Variants in YAF2 observed in about 807,000 individuals in gnomAD.
YAF2 encodes the protein YY1 associated factor 2, also known as YY1-associated factor 2.
A neutral mutation model predicts 20.1 loss-of-function variants in YAF2; 7 were observed. The observed-to-expected ratio is 0.35, with a 90% CI of 0.20 to 0.65. The LOEUF is 0.65. Among genes scored for constraint, YAF2 ranks in the 30% least tolerant of loss-of-function variants. The probability of loss-of-function intolerance (pLI) is 0.69; values close to 1 mark genes in which losing one functional copy is unlikely to be tolerated. For synonymous variants in YAF2, 74 were observed against 76.0 expected (o/e 0.97, Z 0.14); for missense variants, 151 against 219.2 (o/e 0.69, Z 1.96).
intron 2 of YAF2, among the ~76,000 whole-genome samples, chr12:42,192,721 G>A (rs1244038504): frequency 4.6e-5 from 7 of 152,102 alleles, no homozygotes. Flanking sequence ...AGAAGTGAAT[G>A]GATTTAAAGA....
At position 42,220,074 on chromosome 12, in the gene YAF2, G is replaced by A. The variant is rs75994497; in HGVS notation, c.152+17525C>T. On this transcript the variant is annotated intron_variant, in intron 2 of 3. Coordinates refer to ENST00000534854, the MANE Select transcript of YAF2 (RefSeq NM_005748.6). ...AACTTAGAGGACCAAGATGAGGTGA[G>A]AATGGTTATGAGAAGGCCCTAAAAT... 4.5e-3 allele frequency among the ~76,000 whole-genome samples: 689 copies of A among 152,308 alleles called. 2 individuals are homozygous for A. Among genetic ancestry groups the A allele is most frequent in the African/African-American group, 0.016 (668 of 41,568 alleles).
chr12:42,212,544 C>A (rs2067243102), intron 2 of YAF2: 1 of 356,396 alleles, frequency 2.8e-6, no homozygotes, highest in Non-Finnish European at 5.5e-6. Flanking sequence ...AACTAACTCA[C>A]CACTGAATAA....
chr12:42,160,451 C>A lies in YAF2; in HGVS notation c.*138G>T. On this transcript the variant is annotated 3_prime_UTR_variant, in exon 4 of 4. Coordinates refer to ENST00000534854, the MANE Select transcript of YAF2 (RefSeq NM_005748.6). ...TGCAATAAAATCTAACAAATTCTAA[C>A]AAATTTCTATTTTATGTAAAACTCA... The A allele has an allele frequency of 2.9e-6, 2 of 690,638 alleles. No individual in the cohort carries two copies. The highest frequency in any genetic ancestry group is 2.7e-5 in the East Asian group (1 of 36,514). The allele number at this position is 690,638 out of a possible 1,614,324, so 42.8% of individuals were successfully genotyped here. A position where few individuals can be genotyped will look rare whatever the true frequency, so the allele number is the denominator to read the frequency against.
chr12:42,216,384 C>T (rs183297135), intron 2 of YAF2, among the ~76,000 whole-genome samples: 91 of 152,216 alleles, frequency 6.0e-4, no homozygotes, highest in African/African-American at 2.0e-3. Flanking sequence ...AAAGTAAAAG[C>T]CATTGGAGAT....
intron 2 of YAF2, among the ~76,000 whole-genome samples, chr12:42,167,982 T>C (rs1231456646): frequency 6.6e-6 from 1 of 152,162 alleles, no homozygotes; most frequent in African/African-American, 2.4e-5. Flanking sequence ...CCAAATAAAA[T>C]AATGAATGTT....
intron 2 of YAF2, among the ~76,000 whole-genome samples, chr12:42,191,814 A>T (rs767571089): frequency 1.3e-5 from 2 of 152,196 alleles, no homozygotes; most frequent in African/African-American, 2.4e-5. Context: ...TTGGCCATGC[A>T]CAGTGGCTCA....
At chr12:42,232,570 C>T in intron 2 of YAF2, 1 of 985,416 alleles carries the variant, frequency 1.0e-6, no homozygotes, top group African/African-American at 1.7e-5. Flanking sequence ...GCTAGAAAGG[C>T]TCCTCAGATA....
In YAF2 at chr12:42,157,553, C is replaced by A. The variant is rs1286517532; in HGVS notation, c.*3036G>T. 1 of 152,190 alleles carries A rather than the reference C, an allele frequency of 6.6e-6. No individual in the cohort carries two copies. Among genetic ancestry groups the A allele is most frequent in the Non-Finnish European group, 1.5e-5 (1 of 68,040 alleles). 9.4% of individuals were successfully genotyped at this position (152,190 alleles called of 1,614,324 possible). A position where few individuals can be genotyped will look rare whatever the true frequency, so the allele number is the denominator to read the frequency against. On this transcript the variant is annotated 3_prime_UTR_variant, in exon 4 of 4. Coordinates refer to ENST00000534854, the MANE Select transcript of YAF2 (RefSeq NM_005748.6). ...CCATTTACCATTAATGCAGAGGCTA[C>A]ATTCTTTCAGTCTATAAGGATCTTT...
intron 2 of YAF2, among the ~76,000 whole-genome samples, chr12:42,164,437 A>G (rs2065866424): frequency 6.6e-6 from 1 of 152,190 alleles, no homozygotes; most frequent in Non-Finnish European, 1.5e-5. Flanking sequence ...CCCCACTGAC[A>G]AAAATCCCAT....
At position 42,158,334 on chromosome 12, in the gene YAF2, TAA is replaced by T. The variant is rs1316093197; in HGVS notation, c.*2253_*2254del. 6.6e-6 allele frequency: 1 copy of T among 152,200 alleles called. No homozygotes were observed. The highest frequency in any genetic ancestry group is 2.4e-5 in the African/African-American group (1 of 41,454). 9.4% of individuals were successfully genotyped at this position (152,200 alleles called of 1,614,324 possible). ...TACACTGAAAATTTAGTGAAATCTA[TAA>T]AACACTATTACTTTAGGTCATCCAA... On this transcript the variant is annotated 3_prime_UTR_variant, in exon 4 of 4. Coordinates refer to ENST00000534854, the MANE Select transcript of YAF2 (RefSeq NM_005748.6).
At chr12:42,214,535 G>A (rs2067299546) in intron 2 of YAF2, among the ~76,000 whole-genome samples, 1 of 151,702 alleles carries the variant, frequency 6.6e-6, no homozygotes, top group South Asian at 2.1e-4. Context: ...GCCTCCCAAA[G>A]TGCTGGGATT....
At chr12:42,235,833 G>A in intron 2 of YAF2, 1 of 1,535,804 alleles carries the variant, frequency 6.5e-7, no homozygotes, top group Non-Finnish European at 8.7e-7. Flanking sequence ...TCTCTGTCCT[G>A]GGCCAACTCC....
rs1051874428 is a variant in YAF2 at position 42,210,516 on chromosome 12, T to C, written c.152+27083A>G. The C allele has an allele frequency of 5.9e-6, 9 of 1,535,906 alleles. No individual in the cohort carries two copies. The African/African-American group carries it at 1.2e-4, about 21-fold the overall frequency. On this transcript the variant is annotated intron_variant, in intron 2 of 3. Coordinates refer to ENST00000534854, the MANE Select transcript of YAF2 (RefSeq NM_005748.6). Reference sequence around the variant, plus strand: ...AGTTTGGGGGAGGGGATTTGGGAGATGCTAGAGACATGCTTCAGTGCACTT... The same window carrying C: ...AGTTTGGGGGAGGGGATTTGGGAGACGCTAGAGACATGCTTCAGTGCACTT...
At chr12:42,186,507 C>T (rs2066478002) in intron 2 of YAF2, among the ~76,000 whole-genome samples, 2 of 152,090 alleles carry the variant, frequency 1.3e-5, no homozygotes, top group Admixed American at 6.6e-5. Context: ...GAAACCCCGT[C>T]TCTACTAAAA....
chr12:42,234,229 G>C, intron 2 of YAF2: 1 of 686,366 alleles, frequency 1.5e-6, no homozygotes, highest in Non-Finnish European at 1.7e-6. Flanking sequence ...GAAAAGAAAA[G>C]AAAGAAAAGA....
intron 2 of YAF2, among the ~76,000 whole-genome samples, chr12:42,194,109 TA>T (rs1186831082): frequency 4.6e-5 from 7 of 152,168 alleles, no homozygotes; most frequent in African/African-American, 1.7e-4. Context: ...GTGAAAACAT[TA>T]AAAAAATTAA....
At chr12:42,168,733 A>T (rs976683207) in intron 2 of YAF2, among the ~76,000 whole-genome samples, 2 of 152,208 alleles carry the variant, frequency 1.3e-5, no homozygotes, top group African/African-American at 4.8e-5. Context: ...CAGTAAGCAG[A>T]ATCTACTATA....
intron 2 of YAF2, among the ~76,000 whole-genome samples, chr12:42,199,962 C>A (rs544343773): frequency 1.3e-5 from 2 of 152,236 alleles, no homozygotes; most frequent in East Asian, 3.9e-4. Flanking sequence ...CCAATGGAAT[C>A]AATGGAAGAC....
intron 2 of YAF2, among the ~76,000 whole-genome samples, chr12:42,163,287 G>C (rs1469129233): frequency 6.6e-6 from 1 of 152,114 alleles, no homozygotes; most frequent in African/African-American, 2.4e-5. Flanking sequence ...GATAAGAAGG[G>C]ATCCCATGAT....
Sources: gnomAD v4.1 joint callset for allele counts (sites outside exome capture counted in the v4.1 genomes callset) on GRCh38, gnomAD v4.1.1 for gene constraint, MANE v1.5 for transcripts, NCBI Gene and HGNC (gene_info 2026-07-23, HGNC 2026-07-21) for gene names.